Variants in MAN2B2 observed in about 807,000 individuals in gnomAD.
MAN2B2 encodes epididymis-specific alpha-mannosidase.
Under a neutral mutation model 117.1 loss-of-function variants are expected in MAN2B2, and 106 were observed. That is an observed-to-expected ratio of 0.90 (90% CI 0.77 to 1.06). MAN2B2 has a LOEUF of 1.06. MAN2B2 is among the 50% of genes least tolerant of loss of function. The pLI is 0.00. For missense variants in MAN2B2, 1,326 were observed against 1,381.4 expected, an observed-to-expected ratio of 0.96 and a Z score of 0.64; for synonymous variants, 544 against 595.1, an observed-to-expected ratio of 0.91 and a Z score of 1.25.
intron 8 of MAN2B2, among the ~76,000 whole-genome samples, chr4:6,597,766 A>G (rs764968140): frequency 6.6e-6 from 1 of 152,190 alleles, no homozygotes; most frequent in Non-Finnish European, 1.5e-5. Flanking sequence ...TAGCCAGTTC[A>G]TGAGTTTCCG....
intron 3 of MAN2B2, among the ~76,000 whole-genome samples, chr4:6,579,434 C>A (rs1312827283): frequency 7.2e-6 from 1 of 139,402 alleles, no homozygotes; most frequent in Non-Finnish European, 1.6e-5. Context: ...ACCATCACCA[C>A]CACCCTTCAC....
intron 5 of MAN2B2, among the ~76,000 whole-genome samples, chr4:6,591,698 GA>G (rs1157238980): frequency 1.3e-5 from 2 of 152,152 alleles, no homozygotes; most frequent in African/African-American, 4.8e-5. Context: ...AAGCACATGG[GA>G]TTTTAGCCTC....
At chr4:6,592,005 C>T (rs1389385704) in intron 5 of MAN2B2, among the ~76,000 whole-genome samples, 1 of 152,228 alleles carries the variant, frequency 6.6e-6, no homozygotes, top group African/African-American at 2.4e-5. Flanking sequence ...AGCTGGCAGA[C>T]GTGGTGGAGC....
intron 3 of MAN2B2, among the ~76,000 whole-genome samples, 160 bp downstream of exon 3, chr4:6,578,658 C>G (rs944905081): frequency 6.6e-6 from 1 of 152,084 alleles, no homozygotes; most frequent in Non-Finnish European, 1.5e-5. Flanking sequence ...ATATTCATGC[C>G]TCACCAAGGA....
rs199819036 is a variant in MAN2B2, at chr4:6,594,659, C to T, written c.984C>T (p.Tyr328=). The change falls in exon 7 of 19, where the codon TAC becomes TAT. Residue 328 remains tyrosine (Y), a synonymous_variant. Transcript: ENST00000285599. The part of the protein sequence containing the change: ...VSVQYATLGD[Y]FRALHALNVT... ...TGCAGTATGCCACGCTGGGCGACTA[C>T]TTCCGTGCCCTGCACGCTCTCAATG... 8.1e-6 allele frequency: 13 copies of T among 1,612,482 alleles called. No homozygotes were observed. The highest frequency in any genetic ancestry group is 1.1e-5 in the Non-Finnish European group (13 of 1,180,022).
At chr4:6,593,088 G>A (rs1448163007) in intron 5 of MAN2B2, 85 bp from the exon 6 acceptor site, 1 of 1,334,018 alleles carries the variant, frequency 7.5e-7, no homozygotes. Context: ...AAGGTCCCAA[G>A]GCTGGGAGAA....
Position 6,594,732 on chromosome 4 carries a change from G to C in MAN2B2, c.1057G>C (p.Glu353Gln). ...CCACGACTTCCTGCCCTATTCCACA[G>C]GTACAGGCTTCCAGGGGCTGGGGTG... The part of the protein sequence containing the change: ...DHHDFLPYST[E>Q]PFQAWTGFYT... Residue 353 changes from glutamate (E) to glutamine (Q), a missense_variant and splice_region_variant, in exon 7 of 19, where the codon GAA becomes CAA. By Grantham distance (29) the Glu-to-Gln change is conservative. Transcript: ENST00000285599. 1 of 1,609,302 alleles carries C rather than the reference G, an allele frequency of 6.2e-7. No individual in the cohort carries two copies. The highest frequency in any genetic ancestry group is 2.2e-5 in the East Asian group (1 of 44,738).
intron 9 of MAN2B2, 141 bp downstream of exon 9, chr4:6,598,495 A>G: frequency 1.1e-6 from 1 of 904,072 alleles, no homozygotes; most frequent in Admixed American, 2.8e-5. Context: ...GAGAGCTCGG[A>G]CAGGTGGCTT....
intron 17 of MAN2B2, chr4:6,617,811 A>C: frequency 3.6e-6 from 1 of 274,264 alleles, no homozygotes. Context: ...CTCCCAAGTA[A>C]CTGGGATCAC....
chr4:6,595,132 T>G (rs910408123), intron 7 of MAN2B2, among the ~76,000 whole-genome samples: 11 of 152,204 alleles, frequency 7.2e-5, no homozygotes, highest in Non-Finnish European at 1.6e-4. Context: ...GCACAGTCAT[T>G]ACTGGGCACC....
At chr4:6,578,884 C>G (rs1277561741) in intron 3 of MAN2B2, among the ~76,000 whole-genome samples, 3 of 151,822 alleles carry the variant, frequency 2.0e-5, no homozygotes, top group Non-Finnish European at 4.4e-5. Context: ...TGTGGGTTCC[C>G]TAGTAAATGC....
At chr4:6,592,229 C>A (rs916077074) in intron 5 of MAN2B2, among the ~76,000 whole-genome samples, 12 of 152,246 alleles carry the variant, frequency 7.9e-5, no homozygotes, top group African/African-American at 1.2e-4. Context: ...TTTGTCAGCC[C>A]TCCTTTGTGC....
At chr4:6,609,037 G>A (rs1347988648) in intron 11 of MAN2B2, 70 bp from the exon 12 acceptor site, 4 of 1,453,048 alleles carry the variant, frequency 2.8e-6, no homozygotes, top group African/African-American at 2.8e-5. Context: ...GGAGAGAGAG[G>A]CTTGCCAGCC....
At position 6,605,083 on chromosome 4, in the gene MAN2B2, C is replaced by T. The variant is rs779234318; in HGVS notation, c.1568C>T (p.Ala523Val). Reference sequence around the variant, plus strand: ...CAGAACTCAACAGAGACCCCATCTGCGTATGACCTGCTTATTCTGACCACA... The same window carrying T: ...CAGAACTCAACAGAGACCCCATCTGTGTATGACCTGCTTATTCTGACCACA... ...QIQNSTETPS[A>V]YDLLILTTIP... Residue 523 changes from alanine to valine, a missense_variant, in exon 11 of 19, where the codon GCG (alanine) becomes GTG (valine). Physicochemically the swap from Ala to Val is moderately conservative, Grantham distance 64 (BLOSUM62 0). Transcript: ENST00000285599. 47 of 1,613,968 alleles carry T rather than the reference C, an allele frequency of 2.9e-5. No homozygotes were observed. The highest frequency in any genetic ancestry group is 2.4e-4 in the East Asian group (11 of 44,904).
At chr4:6,611,341 G>A (rs1162470719) in intron 15 of MAN2B2, 63 bp downstream of exon 15, 2 of 1,496,366 alleles carry the variant, frequency 1.3e-6, no homozygotes, top group African/African-American at 1.4e-5. Flanking sequence ...GCCAGGGCGG[G>A]CCTTGGGAGG....
At chr4:6,610,279 C>A (rs1317118767) in intron 13 of MAN2B2, among the ~76,000 whole-genome samples, 1 of 152,182 alleles carries the variant, frequency 6.6e-6, no homozygotes, top group African/African-American at 2.4e-5. Flanking sequence ...GCCTCAGCCT[C>A]CCGAGTAGCT....
chr4:6,600,695 T>C lies in MAN2B2; in HGVS notation c.1478T>C (p.Leu493Pro). ...LAWTVTTIVT[L>P]TVGFPGVRVT... The stretch of plus-strand genomic sequence containing the variant: ...TGGACGGTCACCACCATCGTCACCC[T>C]GACTGTTGGTTTCCCTGGAGTCCGC... Residue 493 changes from leucine to proline, a missense_variant, in exon 10 of 19, where the codon CTG becomes CCG. Transcript: ENST00000285599. 1 of 1,614,008 alleles carries C rather than the reference T, an allele frequency of 6.2e-7. No individual in the cohort carries two copies.
At position 6,619,907 on chromosome 4, in the gene MAN2B2, C is replaced by A; in HGVS notation, c.2815-20C>A. On this transcript the variant is annotated intron_variant, in intron 17 of 18. Coordinates refer to ENST00000285599, the MANE Select transcript of MAN2B2 (RefSeq NM_015274.3). ...TGGAACTTGGTGCAGCTCACTCTCC[C>A]TCTGCTCCTCTCCCTGCAGGCTGTG... The A allele has an allele frequency of 6.2e-7, 1 of 1,607,000 alleles. No homozygotes were observed. The highest frequency in any genetic ancestry group is 1.1e-5 in the South Asian group (1 of 90,834).
intron 16 of MAN2B2, among the ~76,000 whole-genome samples, chr4:6,616,774 G>C (rs554973311): frequency 1.3e-5 from 2 of 152,154 alleles, no homozygotes; most frequent in Non-Finnish European, 2.9e-5. Context: ...CAGCCTTACA[G>C]TCGGCCAGAC....
Sources: gnomAD v4.1 joint callset for allele counts (sites outside exome capture counted in the v4.1 genomes callset) on GRCh38, gnomAD v4.1.1 for gene constraint, MANE v1.5 for transcripts, NCBI Gene and HGNC (gene_info 2026-07-23, HGNC 2026-07-21) for gene names.